GPM6A: variants seen among roughly 807,000 people sequenced by gnomAD.
GPM6A encodes glycoprotein M6A.
GPM6A carries 7 observed loss-of-function variants against 32.1 expected under a neutral mutation model. That is an observed-to-expected ratio of 0.22 (90% CI 0.12 to 0.41). GPM6A has a LOEUF of 0.41. Ranked by LOEUF, GPM6A falls within the 10% of genes least tolerant of loss-of-function variation. GPM6A has a pLI of 1.00. For missense variants in GPM6A, 235 were observed against 347.2 expected, an observed-to-expected ratio of 0.68 and a Z score of 2.57; for synonymous variants, 130 against 123.4, an observed-to-expected ratio of 1.05 and a Z score of -0.35.
intron 1 of GPM6A, among the ~76,000 whole-genome samples, chr4:175,781,758 T>C (rs1263752971): frequency 2.0e-5 from 3 of 152,184 alleles, no homozygotes; most frequent in Non-Finnish European, 2.9e-5. Context: ...CTATATAACA[T>C]GGCCATTGGG....
chr4:175,833,840 A>G (rs931843223), intron 1 of GPM6A, among the ~76,000 whole-genome samples: 9 of 152,038 alleles, frequency 5.9e-5, no homozygotes. Context: ...GGTCTGAGAG[A>G]GAAGAGAGCA....
chr4:175,865,171 G>A (rs371353757), intron 1 of GPM6A, among the ~76,000 whole-genome samples: 12 of 152,018 alleles, frequency 7.9e-5, no homozygotes, highest in African/African-American at 1.7e-4. Flanking sequence ...TGTGGATATC[G>A]TTTTAGCACA....
intron 2 of GPM6A, among the ~76,000 whole-genome samples, chr4:175,679,476 T>C (rs1415948761): frequency 6.6e-6 from 1 of 152,144 alleles, no homozygotes; most frequent in Non-Finnish European, 1.5e-5. Flanking sequence ...TAACAAGCGA[T>C]CTGTGAGGAG....
intron 1 of GPM6A, among the ~76,000 whole-genome samples, chr4:175,927,484 C>T (rs903856660): frequency 6.6e-6 from 1 of 152,192 alleles, no homozygotes; most frequent in Non-Finnish European, 1.5e-5. Context: ...GTGCAGTGGC[C>T]GAGCTAGACC....
At chr4:175,933,113 A>T (rs1385787682) in intron 1 of GPM6A, among the ~76,000 whole-genome samples, 1 of 152,136 alleles carries the variant, frequency 6.6e-6, no homozygotes, top group Admixed American at 6.5e-5. Flanking sequence ...TACACCAAGC[A>T]AATACTAATC....
chr4:175,915,162 C>G (rs900555541), intron 1 of GPM6A, among the ~76,000 whole-genome samples: 3 of 152,084 alleles, frequency 2.0e-5, no homozygotes, highest in Admixed American at 6.6e-5. Flanking sequence ...AAAGAAAATA[C>G]TGACAAATTT....
intron 1 of GPM6A, among the ~76,000 whole-genome samples, chr4:175,708,631 C>G (rs1420416108): frequency 6.6e-6 from 1 of 152,042 alleles, no homozygotes; most frequent in Non-Finnish European, 1.5e-5. Context: ...AGGTTTCAAA[C>G]AGAGGGAAAC....
chr4:175,729,905 A>C (rs1319305063), intron 1 of GPM6A, among the ~76,000 whole-genome samples: 1 of 146,508 alleles, frequency 6.8e-6, no homozygotes, highest in East Asian at 1.9e-4. Context: ...ATATGTATTC[A>C]AATAATATAT....
intron 1 of GPM6A, among the ~76,000 whole-genome samples, chr4:175,986,152 G>A (rs1443941853): frequency 1.3e-5 from 2 of 151,994 alleles, no homozygotes; most frequent in East Asian, 1.9e-4. Flanking sequence ...TGATCATATG[G>A]TTTTTTTCCT....
intron 1 of GPM6A, among the ~76,000 whole-genome samples, chr4:175,744,993 A>T (rs1257253826): frequency 2.0e-5 from 3 of 152,140 alleles, no homozygotes; most frequent in African/African-American, 7.2e-5. Flanking sequence ...TGCTCAATTC[A>T]TCTTTTCATT....
chr4:175,940,588 T>G (rs1228679929), intron 1 of GPM6A, among the ~76,000 whole-genome samples: 1 of 152,072 alleles, frequency 6.6e-6, no homozygotes, highest in East Asian at 1.9e-4. Context: ...CTATAACATT[T>G]TTTATATCTT....
At chr4:175,994,207 A>T (rs1043694351) in intron 1 of GPM6A, among the ~76,000 whole-genome samples, 26 of 152,196 alleles carry the variant, frequency 1.7e-4, no homozygotes, top group African/African-American at 6.3e-4. Flanking sequence ...TCTGGAGAAC[A>T]TCACCCAAGA....
chr4:175,988,068 C>T (rs1293396829), intron 1 of GPM6A, among the ~76,000 whole-genome samples: 1 of 152,062 alleles, frequency 6.6e-6, no homozygotes, highest in African/African-American at 2.4e-5. Context: ...CCCAAATCTA[C>T]CTTTATCTAG....
intron 1 of GPM6A, among the ~76,000 whole-genome samples, chr4:175,875,130 T>C (rs1263806305): frequency 1.3e-5 from 2 of 152,202 alleles, no homozygotes; most frequent in African/African-American, 4.8e-5. Context: ...TGAACCTTGA[T>C]GCAAGAATAC....
intron 1 of GPM6A, among the ~76,000 whole-genome samples, chr4:175,859,844 A>C (rs1172527047): frequency 6.6e-6 from 1 of 152,176 alleles, no homozygotes; most frequent in Non-Finnish European, 1.5e-5. Flanking sequence ...ATTTAAAATA[A>C]CCATGAGTAG....
intron 1 of GPM6A, among the ~76,000 whole-genome samples, chr4:175,974,974 G>C (rs1489271113): frequency 6.6e-6 from 1 of 152,114 alleles, no homozygotes; most frequent in African/African-American, 2.4e-5. Flanking sequence ...ATGAGCCACC[G>C]CACCTGGCCT....
intron 1 of GPM6A, among the ~76,000 whole-genome samples, chr4:175,899,499 G>T (rs1352391409): frequency 6.6e-6 from 1 of 152,066 alleles, no homozygotes; most frequent in African/African-American, 2.4e-5. Context: ...AACCAAAACA[G>T]CATGATACTG....
intron 1 of GPM6A, among the ~76,000 whole-genome samples, chr4:175,768,636 T>C (rs973124310): frequency 6.6e-6 from 1 of 152,178 alleles, no homozygotes; most frequent in Non-Finnish European, 1.5e-5. Context: ...GTTCATTTGC[T>C]CCTTATAAGA....
chr4:175,701,332 A>G (rs1744867320), intron 2 of GPM6A, among the ~76,000 whole-genome samples: 1 of 152,220 alleles, frequency 6.6e-6, no homozygotes, highest in Non-Finnish European at 1.5e-5. Flanking sequence ...AATTTCGAAT[A>G]CAACTTTACA....
Sources: gnomAD v4.1 joint callset for allele counts (sites outside exome capture counted in the v4.1 genomes callset) on GRCh38, gnomAD v4.1.1 for gene constraint, MANE v1.5 for transcripts, NCBI Gene and HGNC (gene_info 2026-07-23, HGNC 2026-07-21) for gene names.